Variants in KCNG3 observed in about 807,000 individuals in gnomAD.
KCNG3 encodes the protein potassium voltage-gated channel modifier subfamily G member 3.
A neutral mutation model predicts 29.0 loss-of-function variants in KCNG3; 15 were observed. The ratio of observed to expected loss-of-function variants is 0.52; its 90% CI spans 0.35 to 0.80. The LOEUF (loss-of-function observed/expected upper bound fraction) is 0.80. KCNG3 is among the 30% of genes least tolerant of loss of function. The pLI is 0.01. For missense variants in KCNG3, 512 were observed against 605.7 expected (o/e 0.85, Z 1.62); for synonymous variants, 322 against 248.9 (o/e 1.29, Z -2.76).
At chr2:42,492,767 C>T (rs1377345241) in intron 1 of KCNG3, 70 bp downstream of exon 1, 9 of 1,326,180 alleles carry the variant, frequency 6.8e-6, no homozygotes, top group Non-Finnish European at 7.8e-6. Flanking sequence ...AGGACGGAGA[C>T]GGGACGTATG....
chr2:42,416,977 G>A, the KCNG3 span, among the ~76,000 whole-genome samples: 8 of 151,610 alleles, frequency 5.3e-5, no homozygotes, highest in African/African-American at 1.5e-4. Context: ...GTCCTGGCAC[G>A]GTGGCTCATG....
chr2:42,471,828 G>A (rs1572856513), intron 1 of KCNG3, among the ~76,000 whole-genome samples: 3 of 146,664 alleles, frequency 2.0e-5, no homozygotes, highest in Non-Finnish European at 1.5e-5. Flanking sequence ...AGGCTGTAGT[G>A]AGCCATGACT....
At chr2:42,440,394 G>T (rs1219785405), downstream of KCNG3, 2 of 151,826 alleles carry the variant, frequency 1.3e-5, no homozygotes, top group African/African-American at 2.4e-5. Flanking sequence ...TGGAAAAGAG[G>T]TGAAGTGGAC....
chr2:42,409,877 G>C, the KCNG3 span, among the ~76,000 whole-genome samples: 1 of 151,818 alleles, frequency 6.6e-6, no homozygotes, highest in Non-Finnish European at 1.5e-5. Context: ...TGGACCTCCA[G>C]GTCTCCTAGC....
At chr2:42,416,537 T>C in the KCNG3 span, among the ~76,000 whole-genome samples, 12 of 152,012 alleles carry the variant, frequency 7.9e-5, no homozygotes, top group South Asian at 8.3e-4. Context: ...AGAGAAATAA[T>C]AGACATTTAG....
chr2:42,459,756 C>A (rs1672969649), intron 1 of KCNG3, among the ~76,000 whole-genome samples: 1 of 152,126 alleles, frequency 6.6e-6, no homozygotes, highest in Admixed American at 6.5e-5. Flanking sequence ...GCGGGTGGAT[C>A]ATGAGGTCAG....
chr2:42,448,683 T>C (rs1031760147), intron 1 of KCNG3, among the ~76,000 whole-genome samples: 10 of 152,132 alleles, frequency 6.6e-5, no homozygotes, highest in African/African-American at 2.2e-4. Flanking sequence ...AAATACAGTA[T>C]TCGCAGGAAG....
the KCNG3 span, among the ~76,000 whole-genome samples, chr2:42,394,281 G>T: frequency 6.6e-6 from 1 of 152,188 alleles, no homozygotes; most frequent in Non-Finnish European, 1.5e-5. Context: ...AGGCAGGGAA[G>T]AGTAGACATA....
the KCNG3 span, among the ~76,000 whole-genome samples, chr2:42,419,486 C>T: frequency 1.3e-5 from 2 of 151,818 alleles, no homozygotes; most frequent in African/African-American, 2.4e-5. Flanking sequence ...AGGTGATCTC[C>T]CCGCCTCGGC....
the KCNG3 span, among the ~76,000 whole-genome samples, chr2:42,395,008 G>C: frequency 6.6e-6 from 1 of 152,176 alleles, no homozygotes; most frequent in Non-Finnish European, 1.5e-5. Flanking sequence ...GGGGCCCTGC[G>C]ATGGCTGGGA....
chr2:42,398,260 T>TAAATAAATAAATA, the KCNG3 span, among the ~76,000 whole-genome samples: 979 of 124,060 alleles, frequency 7.9e-3, 9 homozygotes, highest in East Asian at 0.04. Context: ...AATAAATAAA[T>TAAATAAATAAATA]AAATAAAATA....
At chr2:42,437,736 G>A (rs1249462038), downstream of KCNG3, among the ~76,000 whole-genome samples, 5 of 152,088 alleles carry the variant, frequency 3.3e-5, no homozygotes, top group African/African-American at 7.2e-5. Context: ...TCAGGAGATC[G>A]AGACCAGCCC....
intron 1 of KCNG3, among the ~76,000 whole-genome samples, chr2:42,452,243 A>ATTTTTTT (rs771771721): frequency 1.1e-4 from 10 of 95,050 alleles, no homozygotes; most frequent in East Asian, 9.2e-4. Flanking sequence ...ATATATATAT[A>ATTTTTTT]TTTTTTTTTT....
the KCNG3 span, among the ~76,000 whole-genome samples, chr2:42,391,047 T>C: frequency 6.6e-6 from 1 of 152,268 alleles, no homozygotes; most frequent in East Asian, 1.9e-4. Flanking sequence ...CAGGAAGGAC[T>C]CTTCTGGAGA....
At chr2:42,433,649 G>C in the KCNG3 span, among the ~76,000 whole-genome samples, 102 of 152,296 alleles carry the variant, frequency 6.7e-4, no homozygotes, top group Non-Finnish European at 1.2e-3. Flanking sequence ...TGAGGCAGGA[G>C]AATTGCTTGA....
chr2:42,443,645 T>C lies in KCNG3; in HGVS notation c.*289A>G. ...ACCTTTCTGTTTTAAAATGTTCAAA[T>C]AATGTATTTTTTAAAAATGTGTAAT... On this transcript the variant is annotated 3_prime_UTR_variant, in exon 2 of 2. Coordinates refer to ENST00000306078, the MANE Select transcript of KCNG3 (RefSeq NM_133329.6). 1 of 276,854 alleles carries C rather than the reference T, an allele frequency of 3.6e-6. No individual in the cohort carries two copies. Among genetic ancestry groups the C allele is most frequent in the East Asian group, 6.3e-5 (1 of 15,778 alleles). The allele number at this position is 276,854 out of a possible 1,614,324, so 17.1% of individuals were successfully genotyped here.
chr2:42,485,883 A>G (rs1673707928), intron 1 of KCNG3, among the ~76,000 whole-genome samples: 1 of 152,254 alleles, frequency 6.6e-6, no homozygotes, highest in Admixed American at 6.5e-5. Context: ...GTTTATCTTA[A>G]TAATCAGATA....
chr2:42,490,926 A>C (rs1673856697), intron 1 of KCNG3, among the ~76,000 whole-genome samples: 1 of 152,186 alleles, frequency 6.6e-6, no homozygotes, highest in South Asian at 2.1e-4. Flanking sequence ...TGTAATGAGC[A>C]GCATCCTCAT....
intron 1 of KCNG3, among the ~76,000 whole-genome samples, chr2:42,473,087 G>T (rs111259471): frequency 0.13 from 19,971 of 150,308 alleles, 1,613 homozygotes; most frequent in South Asian, 0.22. Context: ...TAGTAGAGAC[G>T]GGGTTTCACC....
Sources: allele counts gnomAD v4.1 joint callset (sites outside exome capture counted in the v4.1 genomes callset), GRCh38; gene constraint gnomAD v4.1.1; transcripts MANE v1.5; gene names NCBI Gene and HGNC (gene_info 2026-07-23, HGNC 2026-07-21).